ECE1: variants seen among roughly 807,000 people sequenced by gnomAD.
The protein encoded by ECE1 is endothelin converting enzyme 1.
A neutral mutation model predicts 98.6 loss-of-function variants in ECE1; 35 were observed. The ratio of observed to expected loss-of-function variants is 0.35; its 90% CI spans 0.27 to 0.47. The LOEUF (loss-of-function observed/expected upper bound fraction) is 0.47, where lower values mean the gene tolerates loss of function less well. Ranked by LOEUF, ECE1 falls within the 20% of genes least tolerant of loss-of-function variation. The probability of loss-of-function intolerance (pLI) is 1.00; values close to 1 mark genes in which losing one functional copy is unlikely to be tolerated. For missense variants in ECE1, 814 were observed against 1,025.3 expected (o/e 0.79, Z 2.81); for synonymous variants, 394 against 407.1 (o/e 0.97, Z 0.39).
chr1:21,290,783 C>T (rs915623718), upstream of ECE1, among the ~76,000 whole-genome samples: 1 of 152,220 alleles, frequency 6.6e-6, no homozygotes, highest in Non-Finnish European at 1.5e-5. The surrounding 1 kb of genome is among the most constrained non-coding windows in gnomAD (Gnocchi z 7.3). Context: ...AGGTTCCCCC[C>T]GGCATCAGCC....
At chr1:21,342,221 G>A (rs979636902) in intron 1 of ECE1, among the ~76,000 whole-genome samples, 9 of 152,142 alleles carry the variant, frequency 5.9e-5, no homozygotes, top group Non-Finnish European at 1.0e-4. Context: ...TTCTCAAGGT[G>A]CCACAGCTGC....
At position 21,256,090 on chromosome 1, in the gene ECE1, C is replaced by A; in HGVS notation, c.877G>T (p.Gly293Cys). 6.2e-7 allele frequency: 1 copy of A among 1,609,508 alleles called. No homozygotes were observed. Among genetic ancestry groups the A allele is most frequent in the Non-Finnish European group, 8.5e-7 (1 of 1,176,014 alleles). Residue 293 changes from glycine to cysteine, a missense_variant, in exon 8 of 19, where the codon GGC becomes TGC. By Grantham distance (159) the Gly-to-Cys change is radical (BLOSUM62 -3). Transcript: ENST00000374893. ...CGGATGGCCTCCTCGTCCCCGCCGC[C>A]CAGCAGCTTCCCCAGCTGGACCATG... ...NYMVQLGKLL[G>C]GGDEEAIRPQ... is the part of the protein sequence containing the mutation.
intron 17 of ECE1, 65 bp from the exon 18 acceptor site, chr1:21,221,907 T>C: frequency 2.1e-6 from 3 of 1,457,450 alleles, no homozygotes; most frequent in Non-Finnish European, 2.9e-6. Context: ...GGGACTGGTA[T>C]GGAGGTCTCA....
chr1:21,231,936 A>G (rs1229747782), intron 14 of ECE1, among the ~76,000 whole-genome samples: 2 of 152,252 alleles, frequency 1.3e-5, no homozygotes, highest in African/African-American at 4.8e-5. Context: ...TTAAAACATC[A>G]TATTTATATT....
intron 7 of ECE1, among the ~76,000 whole-genome samples, chr1:21,256,928 T>C (rs1490318985): frequency 6.6e-6 from 1 of 152,078 alleles, no homozygotes; most frequent in African/African-American, 2.4e-5. Context: ...TCAGGCACTC[T>C]GTGGGCGCTT....
intron 4 of ECE1, among the ~76,000 whole-genome samples, chr1:21,262,484 G>T (rs2098228330): frequency 6.6e-6 from 1 of 152,198 alleles, no homozygotes; most frequent in Non-Finnish European, 1.5e-5. Context: ...TGCTCCCCAG[G>T]CCTCAGATGC....
chr1:21,239,112 C>T (rs1417637322), intron 10 of ECE1, among the ~76,000 whole-genome samples: 2 of 151,856 alleles, frequency 1.3e-5, no homozygotes, highest in Admixed American at 6.6e-5. Context: ...AGATTACAGG[C>T]GTGAGCCACC....
intron 1 of ECE1, among the ~76,000 whole-genome samples, chr1:21,308,324 C>A (rs2103386929): frequency 6.6e-6 from 1 of 152,306 alleles, no homozygotes; most frequent in East Asian, 1.9e-4. Flanking sequence ...AACCGGAAGT[C>A]TTACCCTCCA....
intron 10 of ECE1, among the ~76,000 whole-genome samples, chr1:21,239,252 G>C (rs1228255568): frequency 6.6e-6 from 1 of 152,146 alleles, no homozygotes; most frequent in Non-Finnish European, 1.5e-5. Flanking sequence ...TCCTGGGCAT[G>C]GCCCAGGGAC....
chr1:21,293,827 GAGCCTC>G (rs1301340112), upstream of ECE1: 1 of 152,530 alleles, frequency 6.6e-6, no homozygotes, highest in Non-Finnish European at 1.5e-5. Flanking sequence ...CACCCACCTA[GAGCCTC>G]AGCCTCACAA....
chr1:21,319,353 A>ATAATCATAATCATAATC lies in ECE1; in HGVS notation c.3+26022_3+26023insGATTATGATTATGATTA, dbSNP rs1558431186. 6.7e-6 allele frequency among the ~76,000 whole-genome samples: 1 copy of ATAATCATAATCATAATC among 150,002 alleles called. No individual in the cohort carries two copies. Reference sequence around the variant, plus strand: ...GAGCGAGACTCCGTCTCAAAATAATAATAATCATAATCATAATCATAATCA... The same window carrying ATAATCATAATCATAATC: ...GAGCGAGACTCCGTCTCAAAATAATATAATCATAATCATAATCATAATCATAATCATAATCATAATCA... On this transcript the variant is annotated intron_variant, in intron 1 of 18. Transcript: ENST00000415912. The surrounding 1 kb of genome is among the most constrained non-coding windows in gnomAD (Gnocchi z 4.4).
chr1:21,315,882 C>A (rs1326815450), intron 1 of ECE1, among the ~76,000 whole-genome samples: 2 of 151,852 alleles, frequency 1.3e-5, no homozygotes, highest in South Asian at 4.1e-4. Context: ...TCTACACAGG[C>A]AGCGTCAGGA....
In ECE1 at chr1:21,281,191, GAAAAC is replaced by G. The variant is rs112901908; in HGVS notation, c.139-1864_139-1860del. ...GGCGACAGAGCAAGACTCCGTCTCG[GAAAAC>G]AAAACAAAACAAAACAAAACAAAAC... On this transcript the variant is annotated intron_variant, in intron 2 of 18. Coordinates refer to ENST00000374893, the MANE Select transcript of ECE1 (RefSeq NM_001397.3). Among the ~76,000 whole-genome samples, 271 of 151,720 alleles carry G rather than the reference GAAAAC, an allele frequency of 1.8e-3. 1 individual carries two copies. Among genetic ancestry groups the G allele is most frequent in the African/African-American group, 5.5e-3 (226 of 41,220 alleles).
chr1:21,258,941 C>T lies in ECE1; in HGVS notation c.616-102G>A, dbSNP rs922106369. 17 of 1,491,348 alleles carry T rather than the reference C, an allele frequency of 1.1e-5. No homozygotes were observed. Among genetic ancestry groups the T allele is most frequent in the Middle Eastern group, 2.1e-4 (1 of 4,658 alleles). The allele number at this position is 1,491,348 out of a possible 1,614,324, so 92.4% of individuals were successfully genotyped here. On this transcript the variant is annotated intron_variant, in intron 5 of 18. Transcript: ENST00000374893. The surrounding 1 kb of genome is among the most constrained non-coding windows in gnomAD (Gnocchi z 4.2). ...ACTTGCTCTGTGACCCTGGAGCAGT[C>T]GCCTGACCTCTCTGAGCCTCAAGAG...
chr1:21,292,392 G>T (rs929117145), upstream of ECE1, among the ~76,000 whole-genome samples: 1 of 151,686 alleles, frequency 6.6e-6, no homozygotes, highest in Non-Finnish European at 1.5e-5. Flanking sequence ...TCTCTATCTG[G>T]AACATTTTTT....
Position 21,238,181 on chromosome 1 carries a change from C to A in ECE1, c.1342G>T (p.Gly448Cys). 6.2e-7 allele frequency: 1 copy of A among 1,614,234 alleles called. No homozygotes were observed. The highest frequency in any genetic ancestry group is 2.2e-5 in the East Asian group (1 of 44,888). The change falls in exon 11 of 19, where the codon GGC becomes TGC. Residue 448 changes from glycine to cysteine, a missense_variant. By Grantham distance (159) the Gly-to-Cys change is radical. This residue lies in a region of ECE1 where 452 missense variants were observed against 567.3 expected (regional missense o/e 0.80). Transcript: ENST00000374893. ...DTENNLGFALGPMFVKATFAE... is the reference protein window; with the variant it reads ...DTENNLGFALCPMFVKATFAE... The stretch of plus-strand genomic sequence containing the variant: ...AAGGTTGCTTTGACAAACATGGGGC[C>A]CAACGCAAAGCCCAGGTTGTTTTCT...
intron 10 of ECE1, 92 bp downstream of exon 10, chr1:21,244,897 G>A: frequency 8.1e-7 from 1 of 1,233,716 alleles, no homozygotes; most frequent in Non-Finnish European, 1.2e-6. Flanking sequence ...CCCACCCCCA[G>A]CTGGCTGAGG....
Position 21,225,409 on chromosome 1 carries a change from C to G in ECE1, c.1881G>C (p.Arg627=). ...GREYDKDGNL[R]PWWKNSSVEA... Reference sequence around the variant, plus strand: ...CCACGGATGAGTTCTTCCACCATGGCCGGAGGTTCCCGTCCTTGTCATACT... The same window carrying G: ...CCACGGATGAGTTCTTCCACCATGGGCGGAGGTTCCCGTCCTTGTCATACT... Residue 627 remains arginine, a synonymous_variant, in exon 17 of 19, where the codon CGG becomes CGC. Transcript: ENST00000374893. This position sits in a 1 kb window ranked among gnomAD's most constrained non-coding sequence, Gnocchi z 5.3. The G allele has an allele frequency of 6.2e-7, 1 of 1,614,160 alleles. No individual in the cohort carries two copies.
chr1:21,238,148 C>T lies in ECE1; in HGVS notation c.1375G>A (p.Asp459Asn), dbSNP rs568611748. 19 of 1,614,232 alleles carry T rather than the reference C, an allele frequency of 1.2e-5. 1 individual carries two copies. In the South Asian group the frequency reaches 1.2e-4, roughly 10 times the overall value. The change falls in exon 11 of 19, where the codon GAC (aspartate) becomes AAC (asparagine). Residue 459 changes from aspartate to asparagine, a missense_variant. Asp to Asn is a conservative substitution (Grantham distance 23). Coordinates refer to ENST00000374893, the MANE Select transcript of ECE1 (RefSeq NM_001397.3). ...AAGGCACTTACTATGCTCTTGCTGT[C>T]CTCGGCGAAGGTTGCTTTGACAAAC... ...PMFVKATFAE[D>N]SKSIATEIIL...
Sources: allele counts gnomAD v4.1 joint callset (sites outside exome capture counted in the v4.1 genomes callset), GRCh38; gene constraint gnomAD v4.1.1; regional missense constraint gnomAD v4.1.1; non-coding constraint Gnocchi (gnomAD v3.1); transcripts MANE v1.5; gene names NCBI Gene and HGNC (gene_info 2026-07-23, HGNC 2026-07-21).